Variants in ARL17B observed in about 807,000 individuals in gnomAD.
ARL17B encodes the protein ADP-ribosylation factor-like protein 17.
intron 3 of ARL17B, among the ~76,000 whole-genome samples, chr17:46,351,800 A>C (rs1030428685): frequency 1.3e-5 from 2 of 152,202 alleles, no homozygotes; most frequent in Non-Finnish European, 2.9e-5. Flanking sequence ...TCTTCAAAAC[A>C]AACAGACTCC....
intron 2 of ARL17B, among the ~76,000 whole-genome samples, chr17:46,354,657 AAAAG>A (rs1452679725): frequency 8.6e-6 from 1 of 116,154 alleles, no homozygotes; most frequent in African/African-American, 3.9e-5. Context: ...AATTAAAAAA[AAAAG>A]AAAGAATAAG....
At chr17:46,330,852 G>A (rs760293397), downstream of ARL17B, 1 of 719,532 alleles carries the variant, frequency 1.4e-6, no homozygotes, top group Non-Finnish European at 2.1e-6. Context: ...AGGGAACAGG[G>A]TGCCCAGGCA....
intron 4 of ARL17B, among the ~76,000 whole-genome samples, chr17:46,279,534 T>C (rs1276339800): frequency 6.9e-6 from 1 of 145,336 alleles, no homozygotes; most frequent in Non-Finnish European, 1.5e-5. Context: ...TAGGGTCTTG[T>C]TGTGTCGTCC....
chr17:46,340,839 G>A lies in ARL17B; in HGVS notation c.260-1065C>T, dbSNP rs1216444640. 5.1e-5 allele frequency among the ~76,000 whole-genome samples: 4 copies of A among 78,552 alleles called. 1 individual carries two copies. Among genetic ancestry groups the A allele is most frequent in the East Asian group, 4.7e-4 (2 of 4,246 alleles). The allele number at this position is 78,552 out of a possible 152,430, so 51.5% of individuals were successfully genotyped here. On this transcript the variant is annotated intron_variant, in intron 3 of 3. Transcript: ENST00000450673. ...TTACAGGCATGAGTCACTGTGCCCC[G>A]CCAGGAAATTCAGTTTCTGAAAATA... is the stretch of plus-strand genomic sequence containing the variant.
rs553866045 is a variant in ARL17B at position 46,281,936 on chromosome 17, G to A, written c.*22-6518C>T. ...TGGGATTACAGGCATGAGCCATCAC[G>A]CCTAGCCTAGTTTTACAGATTTTGT... On this transcript the variant is annotated intron_variant, in intron 4 of 4. Coordinates refer to the ARL17B transcript ENST00000570618. Among the ~76,000 whole-genome samples the A allele has an allele frequency of 1.9e-3, 287 of 151,872 alleles. 2 individuals are homozygous for A. The highest frequency in any genetic ancestry group is 3.6e-3 in the African/African-American group (148 of 41,408).
chr17:46,289,025 T>C (rs1285388577), intron 4 of ARL17B, among the ~76,000 whole-genome samples: 4 of 152,148 alleles, frequency 2.6e-5, no homozygotes, highest in East Asian at 1.9e-4. Context: ...TCAATATGCA[T>C]TTTGCCATAC....
intron 4 of ARL17B, among the ~76,000 whole-genome samples, chr17:46,288,606 T>C (rs1322447206): frequency 2.0e-5 from 3 of 148,776 alleles, no homozygotes; most frequent in African/African-American, 7.5e-5. Context: ...CCTCTTTTCA[T>C]ATTTTTTAAA....
rs1439746279 is a variant in ARL17B, at chr17:46,350,993, CT to C, written c.259+1826del. ...ATGTAGAAAAGATGTAGAAAGGATA[CT>C]TTTTTTTTCTCTTTTTTTTTTTTTT... On this transcript the variant is annotated intron_variant, in intron 3 of 3. Coordinates refer to ENST00000450673, the MANE Select transcript of ARL17B (RefSeq NM_001039083.5). Among the ~76,000 whole-genome samples the C allele has an allele frequency of 8.5e-4, 20 of 23,662 alleles. 4 individuals are homozygous for C. Among genetic ancestry groups the C allele is most frequent in the African/African-American group, 1.2e-3 (18 of 15,300 alleles). The allele number at this position is 23,662 out of a possible 152,430, so 15.5% of individuals were successfully genotyped here.
chr17:46,288,315 T>C (rs2143431337), intron 4 of ARL17B, among the ~76,000 whole-genome samples: 1 of 147,684 alleles, frequency 6.8e-6, no homozygotes, highest in Non-Finnish European at 1.5e-5. Context: ...CTTTTTTTTT[T>C]TTTTTTTTTT....
intron 4 of ARL17B, among the ~76,000 whole-genome samples, chr17:46,278,603 C>T (rs1328430868): frequency 3.3e-5 from 5 of 151,740 alleles, no homozygotes; most frequent in African/African-American, 1.2e-4. Context: ...GAGGTTTCAC[C>T]ATCTTGGCCA....
chr17:46,277,659 T>TTTCTTTC (rs2049629103), intron 4 of ARL17B, among the ~76,000 whole-genome samples: 1 of 151,558 alleles, frequency 6.6e-6, no homozygotes, highest in Non-Finnish European at 1.5e-5. Flanking sequence ...CTTTCTTTTT[T>TTTCTTTC]TTTTTTTGAG....
chr17:46,338,308 G>T lies in ARL17B; in HGVS notation c.*1192C>A, dbSNP rs1252959563. ...AGGGCTCAGTCACACAGAACCATCC[G>T]CATGTCAGACCCCAGGTGCAAGGCC... On this transcript the variant is annotated 3_prime_UTR_variant, in exon 4 of 4. Transcript: ENST00000450673. 1.2e-5 allele frequency among the ~76,000 whole-genome samples: 1 copy of T among 83,984 alleles called. No homozygotes were observed. Among genetic ancestry groups the T allele is most frequent in the African/African-American group, 3.2e-5 (1 of 30,828 alleles). 55.1% of individuals were successfully genotyped at this position (83,984 alleles called of 152,430 possible).
At chr17:46,323,510 C>G (rs1277034266) in intron 3 of ARL17B, among the ~76,000 whole-genome samples, 1 of 93,162 alleles carries the variant, frequency 1.1e-5, no homozygotes. Context: ...GGTTCTCCTG[C>G]CTCAGCCTTC....
intron 4 of ARL17B, among the ~76,000 whole-genome samples, chr17:46,276,790 C>CTTTTTTTTT (rs75549659): frequency 1.1e-3 from 152 of 134,064 alleles, no homozygotes; most frequent in Non-Finnish European, 1.5e-3. Flanking sequence ...TTCTTTTTTT[C>CTTTTTTTTT]TTTTTTTTTT....
chr17:46,282,836 G>A (rs1265083848), intron 4 of ARL17B, among the ~76,000 whole-genome samples: 1 of 152,246 alleles, frequency 6.6e-6, no homozygotes, highest in South Asian at 2.1e-4. Context: ...ATCACTGTGG[G>A]GGCTGGGCGC....
At chr17:46,276,340 G>A (rs1351869040) in intron 4 of ARL17B, among the ~76,000 whole-genome samples, 2 of 152,174 alleles carry the variant, frequency 1.3e-5, no homozygotes, top group East Asian at 1.9e-4. Context: ...ATTGTTTCAC[G>A]TGGCTGCTAG....
chr17:46,291,969 CAAAA>C (rs59554870), intron 4 of ARL17B, among the ~76,000 whole-genome samples: 1 of 58,090 alleles, frequency 1.7e-5, no homozygotes, highest in Non-Finnish European at 3.2e-5. Flanking sequence ...TCTCAAAAAG[CAAAA>C]AAAAAAAAAA....
At chr17:46,322,547 GA>G (rs1188255877) in intron 3 of ARL17B, among the ~76,000 whole-genome samples, 1 of 102,072 alleles carries the variant, frequency 9.8e-6, no homozygotes, top group Non-Finnish European at 2.2e-5. Context: ...AAAAAATTAA[GA>G]GGATGTATAA....
intron 4 of ARL17B, among the ~76,000 whole-genome samples, chr17:46,287,017 T>C (rs2049939449): frequency 6.6e-6 from 1 of 152,250 alleles, no homozygotes; most frequent in African/African-American, 2.4e-5. Context: ...TTGAGCTGCA[T>C]GGTACTTAAA....
Sources: gnomAD v4.1 joint callset for allele counts (sites outside exome capture counted in the v4.1 genomes callset) on GRCh38, gnomAD v4.1.1 for gene constraint, MANE v1.5 for transcripts, NCBI Gene and HGNC (gene_info 2026-07-23, HGNC 2026-07-21) for gene names.